RCSD1: variants seen among roughly 807,000 people sequenced by gnomAD.
RCSD1 encodes RCSD domain containing 1.
Under a neutral mutation model 42.5 loss-of-function variants are expected in RCSD1, and 26 were observed. The ratio of observed to expected loss-of-function variants is 0.61; its 90% CI spans 0.45 to 0.85. The LOEUF is 0.85. Among genes scored for constraint, RCSD1 ranks in the 40% least tolerant of loss-of-function variants. The probability of loss-of-function intolerance (pLI) is 0.00; values close to 1 mark genes in which losing one functional copy is unlikely to be tolerated. For missense variants in RCSD1, 571 were observed against 528.3 expected (o/e 1.08, Z -0.79); for synonymous variants, 220 against 212.2 (o/e 1.04, Z -0.32).
At chr1:167,672,969 T>C (rs1658847885) in intron 1 of RCSD1, among the ~76,000 whole-genome samples, 1 of 152,128 alleles carries the variant, frequency 6.6e-6, no homozygotes, top group Non-Finnish European at 1.5e-5. Flanking sequence ...CCGTGATAGT[T>C]GGGATAGGTA....
intron 1 of RCSD1, among the ~76,000 whole-genome samples, chr1:167,639,796 T>G (rs1305339105): frequency 6.6e-6 from 1 of 152,212 alleles, no homozygotes; most frequent in Non-Finnish European, 1.5e-5. Flanking sequence ...GCCCGGCCCA[T>G]TCTCATTGTT....
chr1:167,679,245 G>A (rs942067646), intron 1 of RCSD1, among the ~76,000 whole-genome samples: 2 of 152,160 alleles, frequency 1.3e-5, no homozygotes, highest in African/African-American at 4.8e-5. Flanking sequence ...AGCAACTCTA[G>A]GCCCCAGTTT....
intron 5 of RCSD1, among the ~76,000 whole-genome samples, chr1:167,696,797 C>T (rs12066455): frequency 0.024 from 3,695 of 152,066 alleles, 158 homozygotes; most frequent in African/African-American, 0.084. Flanking sequence ...AATTAGACAC[C>T]GAACTGATTA....
chr1:167,655,268 G>C (rs1658398487), intron 1 of RCSD1, among the ~76,000 whole-genome samples: 1 of 152,212 alleles, frequency 6.6e-6, no homozygotes, highest in African/African-American at 2.4e-5. Flanking sequence ...TCTGCCTGGG[G>C]AGGGTTGGCC....
intron 1 of RCSD1, among the ~76,000 whole-genome samples, chr1:167,632,696 T>TTGC (rs1491390088): frequency 0.07 from 780 of 11,150 alleles, 3 homozygotes; most frequent in East Asian, 0.24. Flanking sequence ...TCACATCCAG[T>TTGC]AGGTCACTAA....
intron 6 of RCSD1, among the ~76,000 whole-genome samples, 196 bp from the exon 7 acceptor site, chr1:167,704,455 GTAACTACCTCATA>G: frequency 6.6e-6 from 1 of 152,070 alleles, no homozygotes; most frequent in Non-Finnish European, 1.5e-5. Context: ...GTTAATAAAA[GTAACTACCTCATA>G]TTGCTTTTGT....
chr1:167,675,099 C>G (rs2902348), intron 1 of RCSD1, among the ~76,000 whole-genome samples: 2 of 149,806 alleles, frequency 1.3e-5, no homozygotes, highest in African/African-American at 4.9e-5. Context: ...CCAGCTACTT[C>G]GGAGGCTGAG....
rs199950522 is a variant in RCSD1, at chr1:167,697,453, G to A, written c.829G>A (p.Ala277Thr). 4 of 1,611,604 alleles carry A rather than the reference G, an allele frequency of 2.5e-6. No individual in the cohort carries two copies. In the African/African-American group the frequency reaches 4.0e-5, roughly 16 times the overall value. ...SSEEVDGQHP[A>T]QEEVPESPQT... ...AGAGGAGGTGGACGGCCAGCACCCGGCCCAAGAGGAGGTCCCGGAATCGCC... is the reference window on the plus strand; with the variant it reads ...AGAGGAGGTGGACGGCCAGCACCCGACCCAAGAGGAGGTCCCGGAATCGCC... Residue 277 changes from alanine to threonine, a missense_variant, in exon 6 of 7, where the codon GCC (alanine) becomes ACC (threonine). Physicochemically the swap from Ala to Thr is moderately conservative, Grantham distance 58 (BLOSUM62 0). Transcript: ENST00000367854.
chr1:167,672,333 A>G (rs1240611624), intron 1 of RCSD1, among the ~76,000 whole-genome samples: 3 of 152,158 alleles, frequency 2.0e-5, no homozygotes, highest in Non-Finnish European at 2.9e-5. Context: ...TTAGTTTCCT[A>G]TGGCTGCTGT....
chr1:167,636,733 T>C (rs909838349), intron 1 of RCSD1, among the ~76,000 whole-genome samples: 3 of 152,102 alleles, frequency 2.0e-5, no homozygotes, highest in Non-Finnish European at 2.9e-5. Context: ...ATTACAGGCA[T>C]GCACCACCAC....
At chr1:167,679,173 A>T (rs1659022138) in intron 1 of RCSD1, among the ~76,000 whole-genome samples, 1 of 152,248 alleles carries the variant, frequency 6.6e-6, no homozygotes, top group Non-Finnish European at 1.5e-5. Context: ...TGGTGTGGAA[A>T]GAGCTTTGGA....
intron 1 of RCSD1, among the ~76,000 whole-genome samples, chr1:167,639,246 CAA>C (rs56704259): frequency 1.5e-5 from 1 of 64,728 alleles, no homozygotes; most frequent in African/African-American, 5.7e-5. Context: ...AAAGCAAAAA[CAA>C]AAACAAACAA....
Position 167,697,304 on chromosome 1 carries a change from G to A in RCSD1, c.680G>A (p.Gly227Glu), listed in dbSNP as rs1281847123. The change falls in exon 6 of 7, where the codon GGA becomes GAA. Residue 227 changes from glycine to glutamate, a missense_variant. Physicochemically the swap from Gly to Glu is moderately conservative, Grantham distance 98 (BLOSUM62 -2). Coordinates refer to ENST00000367854, the MANE Select transcript of RCSD1 (RefSeq NM_052862.4). Reference sequence around the variant, plus strand: ...TCCAGTGAGGGAGCAGCGGGAGAGGGAGTGAGAACCCTGGGACCTGCTGAA... The same window carrying A: ...TCCAGTGAGGGAGCAGCGGGAGAGGAAGTGAGAACCCTGGGACCTGCTGAA... ...PLSSEGAAGEGVRTLGPAEKP... is the reference protein window; with the variant it reads ...PLSSEGAAGEEVRTLGPAEKP... The A allele has an allele frequency of 6.2e-7, 1 of 1,614,038 alleles. No individual in the cohort carries two copies. The highest frequency in any genetic ancestry group is 8.5e-7 in the Non-Finnish European group (1 of 1,180,034).
At chr1:167,682,885 C>A (rs77414968) in intron 1 of RCSD1, among the ~76,000 whole-genome samples, 3,894 of 152,272 alleles carry the variant, frequency 0.026, 178 homozygotes, top group African/African-American at 0.09. Context: ...GTAAGAAATG[C>A]TGCCACCATG....
chr1:167,695,598 G>A (rs1659480291), intron 5 of RCSD1, among the ~76,000 whole-genome samples: 1 of 150,022 alleles, frequency 6.7e-6, no homozygotes, highest in Non-Finnish European at 1.5e-5. Context: ...GAGTGCAGTG[G>A]TGCGATATTG....
intron 5 of RCSD1, among the ~76,000 whole-genome samples, chr1:167,695,973 G>A (rs543032812): frequency 2.0e-5 from 3 of 152,332 alleles, no homozygotes; most frequent in African/African-American, 7.2e-5. Context: ...CCTTCAGGCA[G>A]CTCTGCTGGT....
chr1:167,653,743 C>T (rs937939946), intron 1 of RCSD1, among the ~76,000 whole-genome samples: 1 of 152,094 alleles, frequency 6.6e-6, no homozygotes, highest in East Asian at 1.9e-4. Flanking sequence ...GATGGCATAA[C>T]CCAGGGGAGA....
In RCSD1 at chr1:167,704,809, G is replaced by A; in HGVS notation, c.*113G>A. 1 of 1,029,362 alleles carries A rather than the reference G, an allele frequency of 9.7e-7. No individual in the cohort carries two copies. Among genetic ancestry groups the A allele is most frequent in the Non-Finnish European group, 1.5e-6 (1 of 673,896 alleles). 63.8% of individuals were successfully genotyped at this position (1,029,362 alleles called of 1,614,324 possible). A position where few individuals can be genotyped will look rare whatever the true frequency, so the allele number is the denominator to read the frequency against. ...CCATTGCAGAGGCAGAATATGCTGA[G>A]TGTCTGGAGTCAGCCTGAAGACACA... is the stretch of plus-strand genomic sequence containing the variant. On this transcript the variant is annotated 3_prime_UTR_variant, in exon 7 of 7. Coordinates refer to ENST00000367854, the MANE Select transcript of RCSD1 (RefSeq NM_052862.4).
At chr1:167,684,979 T>C (rs540620298) in intron 2 of RCSD1, among the ~76,000 whole-genome samples, 1 of 152,296 alleles carries the variant, frequency 6.6e-6, no homozygotes, top group East Asian at 1.9e-4. Context: ...TGCCTTGCAT[T>C]TTTAGGTGCA....
Sources: gnomAD v4.1 joint callset for allele counts (sites outside exome capture counted in the v4.1 genomes callset) on GRCh38, gnomAD v4.1.1 for gene constraint, MANE v1.5 for transcripts, NCBI Gene and HGNC (gene_info 2026-07-23, HGNC 2026-07-21) for gene names.